ESR2: variants seen among roughly 807,000 people sequenced by gnomAD.
The protein encoded by ESR2 is estrogen receptor beta.
In ESR2, 36 loss-of-function variants were observed where a neutral mutation model predicts 49.6. The observed-to-expected ratio is 0.73, with a 90% CI of 0.56 to 0.96. ESR2 has a LOEUF of 0.96. Among genes scored for constraint, ESR2 ranks in the 40% least tolerant of loss-of-function variants. ESR2 has a pLI of 0.00. For synonymous variants in ESR2, 320 were observed against 266.1 expected (o/e 1.20, Z -1.97); for missense variants, 714 against 693.0 (o/e 1.03, Z -0.34).
rs773850651 is a variant in ESR2 at position 64,233,200 on chromosome 14, G to C, written c.1530C>G (p.Ser510=). ...TACTGTCCTCTGCCGGGCTGCACTC[G>C]GACCCCGTGATGGAGGACTTGCACC... The part of the protein sequence containing the change: ...LRGCKSSITG[S]ECSPAEDSKS... The change falls in exon 9 of 9, where the codon TCC becomes TCG. Residue 510 remains serine (S), a synonymous_variant. Coordinates refer to ENST00000341099, the MANE Select transcript of ESR2 (RefSeq NM_001437.3). 1 of 1,614,098 alleles carries C rather than the reference G, an allele frequency of 6.2e-7. No individual in the cohort carries two copies. Among genetic ancestry groups the C allele is most frequent in the South Asian group, 1.1e-5 (1 of 91,070 alleles).
intron 1 of ESR2, among the ~76,000 whole-genome samples, chr14:64,290,059 T>C (rs1288509377): frequency 1.3e-5 from 2 of 152,142 alleles, no homozygotes; most frequent in Non-Finnish European, 2.9e-5. Context: ...TAAGTAGCTG[T>C]TTGACAATTA....
At chr14:64,306,312 T>C (rs1031219411) in intron 1 of ESR2, among the ~76,000 whole-genome samples, 1 of 152,222 alleles carries the variant, frequency 6.6e-6, no homozygotes, top group Admixed American at 6.5e-5. Context: ...ATTTGTCTTT[T>C]TTCTCATCTA....
chr14:64,267,419 A>G (rs2076354473), intron 4 of ESR2, among the ~76,000 whole-genome samples: 1 of 152,212 alleles, frequency 6.6e-6, no homozygotes, highest in Non-Finnish European at 1.5e-5. Context: ...GATGTTCTAC[A>G]GAGGAAATGA....
chr14:64,274,535 T>C (rs1414495190), intron 3 of ESR2, among the ~76,000 whole-genome samples: 8 of 152,174 alleles, frequency 5.3e-5, no homozygotes, highest in Admixed American at 5.2e-4. Flanking sequence ...GTCAGGTTTA[T>C]TTTCTCAAAA....
At chr14:64,279,896 G>C (rs2076628848) in intron 3 of ESR2, 85 bp downstream of exon 3, 3 of 1,101,846 alleles carry the variant, frequency 2.7e-6, no homozygotes, top group Non-Finnish European at 4.1e-6. Context: ...CAGGCCAGTA[G>C]TGACATTTCT....
chr14:64,286,438 T>C (rs926706515), intron 1 of ESR2, among the ~76,000 whole-genome samples: 4 of 151,870 alleles, frequency 2.6e-5, no homozygotes, highest in African/African-American at 9.7e-5. Flanking sequence ...GTAGCTGGGA[T>C]TACAGGTGCC....
chr14:64,229,823 T>G lies in ESR2; in HGVS notation c.*3314A>C, dbSNP rs1402541507. Among the ~76,000 whole-genome samples the G allele has an allele frequency of 1.3e-5, 2 of 152,168 alleles. No homozygotes were observed. Among genetic ancestry groups the G allele is most frequent in the African/African-American group, 4.8e-5 (2 of 41,430 alleles). On this transcript the variant is annotated 3_prime_UTR_variant, in exon 9 of 9. Transcript: ENST00000341099. ...CTGAGAACTGTGTCTGGCACAGATATTATCTTTAGATACTAAATAATGTGT... is the reference window on the plus strand; with the variant it reads ...CTGAGAACTGTGTCTGGCACAGATAGTATCTTTAGATACTAAATAATGTGT...
At chr14:64,306,396 C>A (rs575853557) in intron 1 of ESR2, among the ~76,000 whole-genome samples, 1 of 152,268 alleles carries the variant, frequency 6.6e-6, no homozygotes, top group East Asian at 1.9e-4. Context: ...CAACACAAAC[C>A]TTCATGGCAT....
At chr14:64,276,759 T>G (rs1386047255) in intron 3 of ESR2, among the ~76,000 whole-genome samples, 2 of 152,188 alleles carry the variant, frequency 1.3e-5, no homozygotes, top group African/African-American at 4.8e-5. Context: ...TATTACACAG[T>G]TGTGCAGTTG....
chr14:64,242,915 G>T (rs1361976801), intron 7 of ESR2, among the ~76,000 whole-genome samples: 1 of 152,214 alleles, frequency 6.6e-6, no homozygotes, highest in East Asian at 1.9e-4. Flanking sequence ...AAGGTGAAAG[G>T]CACATCTCAT....
upstream of ESR2, among the ~76,000 whole-genome samples, chr14:64,294,839 G>A (rs2076933044): frequency 6.6e-6 from 1 of 152,238 alleles, no homozygotes; most frequent in Non-Finnish European, 1.5e-5. Context: ...CCGTGGACTA[G>A]AGGTGGAGGG....
chr14:64,240,939 T>C (rs143298859), intron 7 of ESR2, among the ~76,000 whole-genome samples: 7,717 of 151,502 alleles, frequency 0.051, 301 homozygotes, highest in Non-Finnish European at 0.08. Flanking sequence ...GATCAGGAGA[T>C]CGAGACCATC....
chr14:64,311,158 T>C (rs1206562131), intron 1 of ESR2, among the ~76,000 whole-genome samples: 4 of 152,174 alleles, frequency 2.6e-5, no homozygotes, highest in Non-Finnish European at 5.9e-5. Context: ...AAAATAATTA[T>C]GGAGCCCTAG....
intron 1 of ESR2, among the ~76,000 whole-genome samples, chr14:64,331,830 A>AG (rs1474844921): frequency 6.6e-6 from 1 of 151,164 alleles, no homozygotes; most frequent in African/African-American, 2.4e-5. Context: ...CTCAAAAAAA[A>AG]AAAAAAAAAA....
At chr14:64,337,050 G>A (rs2077540455) in intron 1 of ESR2, among the ~76,000 whole-genome samples, 5 of 152,160 alleles carry the variant, frequency 3.3e-5, no homozygotes, top group African/African-American at 2.4e-5. Flanking sequence ...AGTTCACTAC[G>A]GTATCTGATT....
chr14:64,228,041 A>G, downstream of ESR2: 1 of 1,458,704 alleles, frequency 6.9e-7, no homozygotes, highest in East Asian at 2.5e-5. Context: ...TTGTATACAC[A>G]GGACCTGTGG....
intron 7 of ESR2, among the ~76,000 whole-genome samples, chr14:64,243,417 G>A (rs911686786): frequency 2.6e-5 from 4 of 152,104 alleles, no homozygotes; most frequent in African/African-American, 7.2e-5. Context: ...ACATGCTGTT[G>A]GAAAAAATGG....
chr14:64,238,664 C>T (rs1449521798), intron 7 of ESR2, among the ~76,000 whole-genome samples: 1 of 152,076 alleles, frequency 6.6e-6, no homozygotes, highest in Non-Finnish European at 1.5e-5. Context: ...AAATATAGCA[C>T]CCTCTCCATC....
intron 3 of ESR2, among the ~76,000 whole-genome samples, chr14:64,272,179 A>G (rs1269578747): frequency 6.6e-6 from 1 of 152,040 alleles, no homozygotes; most frequent in African/African-American, 2.4e-5. Context: ...TCATATACCC[A>G]TTTGCCATTT....
Sources: allele counts gnomAD v4.1 joint callset (sites outside exome capture counted in the v4.1 genomes callset), GRCh38; gene constraint gnomAD v4.1.1; transcripts MANE v1.5; gene names NCBI Gene and HGNC (gene_info 2026-07-23, HGNC 2026-07-21).